CSMD1: variants seen among roughly 807,000 people sequenced by gnomAD.
CSMD1 encodes the protein CUB and sushi domain-containing protein 1.
CSMD1 carries 213 observed loss-of-function variants against 417.5 expected under a neutral mutation model. The observed-to-expected ratio is 0.51, with a 90% confidence interval of 0.46 to 0.57. CSMD1 has a LOEUF of 0.57. Ranked by LOEUF, CSMD1 falls within the 20% of genes least tolerant of loss-of-function variation. The pLI is 0.00. For synonymous variants in CSMD1, 2,862 were observed against 1,736.8 expected, an observed-to-expected ratio of 1.65 and a Z score of -16.11; for missense variants, 6,923 against 4,529.7, an observed-to-expected ratio of 1.53 and a Z score of -15.17.
intron 5 of CSMD1, among the ~76,000 whole-genome samples, chr8:3,850,257 C>T (rs932172638): frequency 3.9e-5 from 6 of 152,178 alleles, no homozygotes; most frequent in Admixed American, 1.3e-4. Flanking sequence ...TAGGTAAGTC[C>T]AAAGATAGAA....
At chr8:3,597,740 A>G (rs907186188) in intron 8 of CSMD1, among the ~76,000 whole-genome samples, 1 of 152,198 alleles carries the variant, frequency 6.6e-6, no homozygotes, top group Non-Finnish European at 1.5e-5. Flanking sequence ...ACAAGAAGAG[A>G]AAACCAAACA....
intron 1 of CSMD1, among the ~76,000 whole-genome samples, chr8:4,732,341 C>CTG (rs1809941426): frequency 2.7e-5 from 2 of 73,330 alleles, no homozygotes; most frequent in Non-Finnish European, 5.8e-5. Flanking sequence ...TAAATTTCTT[C>CTG]TGCGTGTGTG....
At chr8:3,605,816 C>A (rs1315429003) in intron 8 of CSMD1, among the ~76,000 whole-genome samples, 3 of 152,126 alleles carry the variant, frequency 2.0e-5, no homozygotes, top group African/African-American at 4.8e-5. Flanking sequence ...CCTTTAGAGC[C>A]TAGGTTATGA....
rs186256974 is a variant in CSMD1, at chr8:3,387,543, G to A, written c.2733C>T (p.Leu911=). 25 of 1,602,324 alleles carry A rather than the reference G, an allele frequency of 1.6e-5. No individual in the cohort carries two copies. In the East Asian group the frequency reaches 2.3e-4, roughly 14 times the overall value. The change falls in exon 18 of 70, where the codon CTC becomes CTT. Residue 911 remains leucine, a synonymous_variant. Transcript: ENST00000635120. ...PGYTLSDDEP[L]VCERNHQWNH... ...TCCACTGGTGGTTCCTCTCACAGAC[G>A]AGGGGCTCGTCGTCACTTAGTGTGT...
intron 3 of CSMD1, among the ~76,000 whole-genome samples, chr8:4,346,975 G>C (rs182826900): frequency 1.1e-4 from 17 of 152,240 alleles, no homozygotes; most frequent in Middle Eastern, 6.8e-3. Context: ...TCTTGTAATG[G>C]AGGGTGCTTG....
At chr8:4,446,100 C>G (rs374219870) in intron 2 of CSMD1, among the ~76,000 whole-genome samples, 27 of 152,188 alleles carry the variant, frequency 1.8e-4, no homozygotes, top group Non-Finnish European at 3.2e-4. Flanking sequence ...TCACTGTAGA[C>G]AGCAAGTTGT....
chr8:4,380,318 C>A (rs1045555747), intron 3 of CSMD1, among the ~76,000 whole-genome samples: 1 of 152,124 alleles, frequency 6.6e-6, no homozygotes, highest in Admixed American at 6.5e-5. Context: ...AGTGATAGCA[C>A]ACCCTCCTTA....
intron 1 of CSMD1, among the ~76,000 whole-genome samples, chr8:4,921,007 GAAAGA>G (rs1239188547): frequency 0.28 from 3,606 of 12,680 alleles, 759 homozygotes; most frequent in African/African-American, 0.45. Context: ...AAGAAAGAAA[GAAAGA>G]AAAGAAAGAA....
intron 50 of CSMD1, among the ~76,000 whole-genome samples, chr8:3,033,665 T>C (rs950569865): frequency 4.0e-5 from 6 of 150,208 alleles, no homozygotes; most frequent in African/African-American, 1.5e-4. Flanking sequence ...ATTTAAAACC[T>C]AGATGACAGG....
intron 1 of CSMD1, among the ~76,000 whole-genome samples, chr8:4,994,054 C>T (rs561815654): frequency 6.6e-6 from 1 of 152,226 alleles, no homozygotes; most frequent in East Asian, 1.9e-4. Flanking sequence ...GGGTTCCTTT[C>T]TCCTTGACAC....
At chr8:3,365,965 G>A (rs1234347042) in intron 20 of CSMD1, among the ~76,000 whole-genome samples, 1 of 152,158 alleles carries the variant, frequency 6.6e-6, no homozygotes, top group African/African-American at 2.4e-5. Context: ...TTCAGTTTTG[G>A]TTTGGGAGAT....
intron 3 of CSMD1, among the ~76,000 whole-genome samples, chr8:4,123,226 G>C (rs1269710776): frequency 6.6e-6 from 1 of 152,214 alleles, no homozygotes; most frequent in Non-Finnish European, 1.5e-5. Context: ...CAAGTTCACA[G>C]TTAATGACAG....
intron 3 of CSMD1, among the ~76,000 whole-genome samples, chr8:4,036,129 T>C (rs879510208): frequency 1.3e-5 from 2 of 152,198 alleles, no homozygotes; most frequent in African/African-American, 2.4e-5. Flanking sequence ...ACACCACACA[T>C]CCTAGGTGCG....
In CSMD1 at chr8:3,681,435, G is replaced by C. The variant is rs965475381; in HGVS notation, c.1009+26979C>G. ...GCCAAATCATGAGTGAACTCCCATTGACAATTGTTTCAAAGAGAATAAAAT... is the reference window on the plus strand; with the variant it reads ...GCCAAATCATGAGTGAACTCCCATTCACAATTGTTTCAAAGAGAATAAAAT... On this transcript the variant is annotated intron_variant, in intron 7 of 69. Transcript: ENST00000635120. 3.2e-4 allele frequency among the ~76,000 whole-genome samples: 48 copies of C among 152,132 alleles called. 1 individual carries two copies. Among genetic ancestry groups the C allele is most frequent in the South Asian group, 6.2e-4 (3 of 4,812 alleles).
chr8:3,843,213 C>A (rs992631329), intron 5 of CSMD1, among the ~76,000 whole-genome samples: 4 of 152,102 alleles, frequency 2.6e-5, no homozygotes, highest in African/African-American at 7.2e-5. Context: ...CTTGCTTTCC[C>A]ATTTTTTTGT....
chr8:3,693,845 AG>A (rs1800391446), intron 7 of CSMD1, among the ~76,000 whole-genome samples: 1 of 145,256 alleles, frequency 6.9e-6, no homozygotes, highest in African/African-American at 2.6e-5. Context: ...TGTGTGTGTT[AG>A]GGTATATTAT....
intron 5 of CSMD1, among the ~76,000 whole-genome samples, chr8:3,846,131 T>C (rs1313347493): frequency 1.3e-5 from 2 of 152,120 alleles, no homozygotes; most frequent in East Asian, 1.9e-4. Context: ...ACCAGTACCA[T>C]GGTTGTTTAT....
rs1321755018 is a variant in CSMD1 at position 3,118,463 on chromosome 8, A to C, written c.6366T>G (p.His2122Gln). The C allele has an allele frequency of 6.2e-7, 1 of 1,613,966 alleles. No homozygotes were observed. The highest frequency in any genetic ancestry group is 8.5e-7 in the Non-Finnish European group (1 of 1,179,848). The change falls in exon 42 of 70, where the codon CAT becomes CAG. Residue 2122 changes from histidine to glutamine, a missense_variant. Physicochemically the swap from His to Gln is conservative, Grantham distance 24 (BLOSUM62 0). Coordinates refer to ENST00000635120, the MANE Select transcript of CSMD1 (RefSeq NM_033225.6). ...ECYPGYILIGHPVLTCQHGIN... is the reference protein window; with the variant it reads ...ECYPGYILIGQPVLTCQHGIN... ...TCCCATGCTGACAAGTGAGGACAGG[A>C]TGGCCTATTAGAATGTACCCAGGAT...
At chr8:4,015,966 G>C (rs981331349) in intron 4 of CSMD1, among the ~76,000 whole-genome samples, 1 of 152,126 alleles carries the variant, frequency 6.6e-6, no homozygotes, top group Non-Finnish European at 1.5e-5. Flanking sequence ...TGCCGTTGGA[G>C]GGAAATGTAG....
Sources: gnomAD v4.1 joint callset for allele counts (sites outside exome capture counted in the v4.1 genomes callset) on GRCh38, gnomAD v4.1.1 for gene constraint, MANE v1.5 for transcripts, NCBI Gene and HGNC (gene_info 2026-07-23, HGNC 2026-07-21) for gene names.